Variants in GOLGA6L25 observed in about 807,000 individuals in gnomAD.
GOLGA6L25 encodes golgin subfamily A member 6-like protein 25.
the GOLGA6L25 span, among the ~76,000 whole-genome samples, chr15:28,556,412 G>A: frequency 7.7e-6 from 1 of 130,070 alleles, no homozygotes; most frequent in South Asian, 2.3e-4. Flanking sequence ...GGGTTTGGGG[G>A]CACTCAGATG....
chr15:28,556,469 G>T, the GOLGA6L25 span, among the ~76,000 whole-genome samples: 2 of 80,634 alleles, frequency 2.5e-5, 1 homozygote, highest in Non-Finnish European at 4.4e-5. Flanking sequence ...GGGGAAGAGG[G>T]CTCACCCCCA....
the GOLGA6L25 span, among the ~76,000 whole-genome samples, chr15:28,559,331 C>T: frequency 1.1e-5 from 1 of 91,244 alleles, no homozygotes; most frequent in African/African-American, 5.1e-5. Context: ...GCAAGCTCCA[C>T]CCCCCGGCTT....
the GOLGA6L25 span, among the ~76,000 whole-genome samples, chr15:28,559,176 AT>A: frequency 2.3e-3 from 242 of 107,344 alleles, no homozygotes; most frequent in African/African-American, 9.7e-3. Context: ...GCTTAAAAAT[AT>A]TTTTTTAAAG....
chr15:28,558,282 A>G, the GOLGA6L25 span: 2 of 279,240 alleles, frequency 7.2e-6, no homozygotes, highest in Non-Finnish European at 1.2e-5. Flanking sequence ...AACAAATGAG[A>G]CCATGGGCTT....
chr15:28,553,645 A>T, the GOLGA6L25 span: 1 of 551,304 alleles, frequency 1.8e-6, no homozygotes, highest in Admixed American at 3.5e-5. Context: ...CCCCAACCCC[A>T]CCTCCCTACC....
chr15:28,553,605 C>T, the GOLGA6L25 span: 1 of 554,882 alleles, frequency 1.8e-6, no homozygotes, highest in African/African-American at 2.8e-5. Context: ...GAGGTATATA[C>T]TTGTCCTCAC....
At chr15:28,556,421 T>C in the GOLGA6L25 span, among the ~76,000 whole-genome samples, 2 of 123,700 alleles carry the variant, frequency 1.6e-5, no homozygotes, top group Non-Finnish European at 3.2e-5. Flanking sequence ...GGCACTCAGA[T>C]GTAGAGGCCC....
the GOLGA6L25 span, chr15:28,553,605 C>G: frequency 1.8e-6 from 1 of 554,882 alleles, no homozygotes; most frequent in Non-Finnish European, 3.1e-6. Context: ...GAGGTATATA[C>G]TTGTCCTCAC....
chr15:28,558,268 GAA>G, the GOLGA6L25 span, among the ~76,000 whole-genome samples: 2 of 73,880 alleles, frequency 2.7e-5, 1 homozygote, highest in Non-Finnish European at 5.1e-5. Flanking sequence ...AAGAAAGAAA[GAA>G]AAACAAATGA....
the GOLGA6L25 span, among the ~76,000 whole-genome samples, chr15:28,559,234 A>ATTTC: frequency 2.3e-5 from 3 of 130,034 alleles, no homozygotes; most frequent in African/African-American, 9.4e-5. Context: ...TTATTTATTT[A>ATTTC]TTTATTTATT....
At chr15:28,560,540 CAGG>C in the GOLGA6L25 span, 14 of 706,438 alleles carry the variant, frequency 2.0e-5, 1 homozygote, top group East Asian at 3.5e-4. Context: ...GGTGTGGAGG[CAGG>C]AGGAGAAGAT....
the GOLGA6L25 span, among the ~76,000 whole-genome samples, chr15:28,554,110 TGA>T: frequency 3.6e-5 from 5 of 137,348 alleles, no homozygotes; most frequent in Admixed American, 6.8e-5. Flanking sequence ...TGCCACAGGG[TGA>T]CTTTGGGGAT....
chr15:28,560,886 AG>A, the GOLGA6L25 span: 1 of 438,778 alleles, frequency 2.3e-6, no homozygotes, highest in Non-Finnish European at 3.9e-6. Flanking sequence ...GAGATGATGC[AG>A]GAACAGGAAG....
chr15:28,559,278 C>G, the GOLGA6L25 span, among the ~76,000 whole-genome samples: 3 of 124,928 alleles, frequency 2.4e-5, no homozygotes, highest in East Asian at 1.3e-3. Context: ...TAGTCTCACT[C>G]TGTCACCCAG....
chr15:28,558,242 CAAAA>C, the GOLGA6L25 span, among the ~76,000 whole-genome samples: 1 of 64,080 alleles, frequency 1.6e-5, no homozygotes. Context: ...GAAACTCTGC[CAAAA>C]AAAAAAAAAG....
chr15:28,559,221 C>CATTTATTTATTT, the GOLGA6L25 span, among the ~76,000 whole-genome samples: 1 of 128,976 alleles, frequency 7.8e-6, no homozygotes, highest in Admixed American at 8.0e-5. Flanking sequence ...TTATAGATTA[C>CATTTATTTATTT]ATTTATTTAT....
At chr15:28,553,989 TC>T in the GOLGA6L25 span, among the ~76,000 whole-genome samples, 1 of 131,866 alleles carries the variant, frequency 7.6e-6, no homozygotes, top group Non-Finnish European at 1.5e-5. Context: ...TCCTGGGGCT[TC>T]CAACTCCATA....
the GOLGA6L25 span, chr15:28,558,993 AG>A: frequency 8.9e-6 from 1 of 112,950 alleles, no homozygotes; most frequent in African/African-American, 3.0e-4. Context: ...GGGTTGTGGG[AG>A]ACCCATCCAG....
chr15:28,558,137 G>A, the GOLGA6L25 span, among the ~76,000 whole-genome samples: 705 of 51,460 alleles, frequency 0.014, no homozygotes, highest in African/African-American at 0.036. Flanking sequence ...CCAACTACTC[G>A]GGAAGCTGAG....
Sources: allele counts gnomAD v4.1 joint callset (sites outside exome capture counted in the v4.1 genomes callset), GRCh38; gene constraint gnomAD v4.1.1; transcripts MANE v1.5; gene names NCBI Gene and HGNC (gene_info 2026-07-23, HGNC 2026-07-21).